Variants in CLVS2 observed in about 807,000 individuals in gnomAD.
CLVS2 encodes clavesin-2.
In CLVS2, 19 loss-of-function variants were observed where a neutral mutation model predicts 29.0. That is an observed-to-expected ratio of 0.66 (90% confidence interval 0.46 to 0.96). The LOEUF (loss-of-function observed/expected upper bound fraction) is 0.96. Ranked by LOEUF, CLVS2 falls within the 40% of genes least tolerant of loss-of-function variation. The probability of loss-of-function intolerance (pLI) is 0.00; values close to 1 mark genes in which losing one functional copy is unlikely to be tolerated. For missense variants in CLVS2, 294 were observed against 404.1 expected, an observed-to-expected ratio of 0.73 and a Z score of 2.34; for synonymous variants, 161 against 151.3, an observed-to-expected ratio of 1.06 and a Z score of -0.47.
At chr6:123,055,186 C>T (rs1232711533) in intron 4 of CLVS2, among the ~76,000 whole-genome samples, 1 of 152,144 alleles carries the variant, frequency 6.6e-6, no homozygotes, top group Non-Finnish European at 1.5e-5. Context: ...ATACTGGCAA[C>T]ATTACAGAAC....
At chr6:123,033,547 C>T (rs917100692) in intron 3 of CLVS2, among the ~76,000 whole-genome samples, 7 of 151,928 alleles carry the variant, frequency 4.6e-5, no homozygotes, top group African/African-American at 1.7e-4. Flanking sequence ...AAAGCTCAAA[C>T]CTTAGGCAAA....
intron 3 of CLVS2, among the ~76,000 whole-genome samples, chr6:123,042,904 G>A (rs1775254371): frequency 6.6e-6 from 1 of 152,112 alleles, no homozygotes; most frequent in Non-Finnish European, 1.5e-5. Context: ...TCCAAATGCT[G>A]TTATACTATC....
chr6:123,022,043 T>C (rs1244745762), intron 3 of CLVS2, among the ~76,000 whole-genome samples: 1 of 152,086 alleles, frequency 6.6e-6, no homozygotes, highest in Non-Finnish European at 1.5e-5. Flanking sequence ...CTGAGGAAGC[T>C]TATCACCGTG....
At chr6:123,025,600 G>A (rs1774989894) in intron 3 of CLVS2, among the ~76,000 whole-genome samples, 1 of 152,158 alleles carries the variant, frequency 6.6e-6, no homozygotes, top group African/African-American at 2.4e-5. Flanking sequence ...TGCCAGGAAT[G>A]TTCGCTGCTG....
At chr6:123,018,837 T>A (rs548117065) in intron 3 of CLVS2, among the ~76,000 whole-genome samples, 1 of 152,186 alleles carries the variant, frequency 6.6e-6, no homozygotes, top group South Asian at 2.1e-4. Flanking sequence ...AACTACATTT[T>A]GAAAGTCTTC....
Position 123,009,298 on chromosome 6 carries a change from G to A in CLVS2, c.390-1687G>A, listed in dbSNP as rs989846122. ...TATCCAGGACCATATGGCTAATGAG[G>A]TGCTGGGCAGAGATTGCATCTTGAA... On this transcript the variant is annotated intron_variant, in intron 2 of 5. Coordinates refer to ENST00000275162, the MANE Select transcript of CLVS2 (RefSeq NM_001010852.4). 4.6e-5 allele frequency among the ~76,000 whole-genome samples: 7 copies of A among 152,026 alleles called. No individual in the cohort carries two copies. In the East Asian group the frequency reaches 1.4e-3, roughly 29 times the overall value.
chr6:123,040,916 G>A (rs1044444361), intron 3 of CLVS2, among the ~76,000 whole-genome samples: 8 of 152,020 alleles, frequency 5.3e-5, no homozygotes, highest in Non-Finnish European at 1.2e-4. Flanking sequence ...TAAAAATTTG[G>A]AAATGATAGT....
intron 3 of CLVS2, among the ~76,000 whole-genome samples, chr6:123,017,701 A>G (rs978978619): frequency 1.3e-5 from 2 of 152,112 alleles, no homozygotes. Flanking sequence ...GGTAAAAGCT[A>G]TATATAATAT....
At chr6:123,041,631 C>A (rs999226534) in intron 3 of CLVS2, among the ~76,000 whole-genome samples, 1 of 152,126 alleles carries the variant, frequency 6.6e-6, no homozygotes, top group African/African-American at 2.4e-5. Flanking sequence ...CCAATATTAA[C>A]ACATATAGAA....
rs1404771426 is a variant in CLVS2, at chr6:123,064,519, T to C, written c.*758T>C. 1 of 151,964 alleles carries C rather than the reference T, an allele frequency of 6.6e-6. No individual in the cohort carries two copies. The highest frequency in any genetic ancestry group is 1.5e-5 in the Non-Finnish European group (1 of 67,900). The allele number at this position is 151,964 out of a possible 1,614,324, so 9.4% of individuals were successfully genotyped here. On this transcript the variant is annotated 3_prime_UTR_variant, in exon 6 of 6. Transcript: ENST00000275162. ...TTCAAGACCCTATTATATTTCTTCC[T>C]AATGTACTCTAAGTACATTTCCCCT... is the stretch of plus-strand genomic sequence containing the variant.
chr6:123,037,695 G>A (rs560759330), intron 3 of CLVS2, among the ~76,000 whole-genome samples: 2 of 151,906 alleles, frequency 1.3e-5, no homozygotes, highest in African/African-American at 4.8e-5. Flanking sequence ...CTGGTATGTG[G>A]ATGTCTGTCT....
At position 123,061,726 on chromosome 6, in the gene CLVS2, C is replaced by T. The variant is rs1772781341; in HGVS notation, c.897-1948C>T. Among the ~76,000 whole-genome samples the T allele has an allele frequency of 3.3e-5, 5 of 152,272 alleles. No individual in the cohort carries two copies. The South Asian group carries it at 1.0e-3, about 32-fold the overall frequency. ...TTTTCAAAAACAGTCAGGAAACACACAGACTTAGAATGTGTATATGTGAGC... is the reference window on the plus strand; with the variant it reads ...TTTTCAAAAACAGTCAGGAAACACATAGACTTAGAATGTGTATATGTGAGC... On this transcript the variant is annotated intron_variant, in intron 5 of 5. Transcript: ENST00000275162.
chr6:123,063,384 A>G (rs1772806999), intron 5 of CLVS2, among the ~76,000 whole-genome samples: 1 of 152,146 alleles, frequency 6.6e-6, no homozygotes, highest in African/African-American at 2.4e-5. Flanking sequence ...CTCAAAGAAA[A>G]GAATCTTCCC....
intron 4 of CLVS2, among the ~76,000 whole-genome samples, chr6:123,054,898 C>T (rs1463237704): frequency 6.6e-6 from 1 of 150,898 alleles, no homozygotes; most frequent in Non-Finnish European, 1.5e-5. Context: ...TTTCAATAAA[C>T]AGAGTCATCT....
At chr6:123,009,809 A>T (rs1774723151) in intron 2 of CLVS2, among the ~76,000 whole-genome samples, 2 of 152,052 alleles carry the variant, frequency 1.3e-5, no homozygotes, top group South Asian at 4.1e-4. Flanking sequence ...CCCTTTTTAG[A>T]ATAATTATCT....
chr6:122,997,596 GC>G lies in CLVS2; in HGVS notation c.-181del. On this transcript the variant is annotated 5_prime_UTR_variant, in exon 2 of 6. The change abolishes the stop of an existing upstream ORF in the 5' untranslated region. Coordinates refer to ENST00000275162, the MANE Select transcript of CLVS2 (RefSeq NM_001010852.4). The stretch of plus-strand genomic sequence containing the variant: ...TACACCCCCCGGCCCCCCCAGCTTT[GC>G]TGGGGGAAAGCAGGAGCAACAGGGC... 1.2e-5 allele frequency: 6 copies of G among 512,664 alleles called. No individual in the cohort carries two copies. Among genetic ancestry groups the G allele is most frequent in the East Asian group, 3.7e-5 (1 of 27,322 alleles). The allele number at this position is 512,664 out of a possible 1,614,324, so 31.8% of individuals were successfully genotyped here.
intron 3 of CLVS2, among the ~76,000 whole-genome samples, chr6:123,020,669 G>T (rs1162817076): frequency 6.6e-6 from 1 of 151,994 alleles, no homozygotes. Context: ...TTACAAACTG[G>T]TTGGAGGTTT....
intron 4 of CLVS2, among the ~76,000 whole-genome samples, chr6:123,049,392 T>C (rs1219295080): frequency 6.6e-6 from 1 of 152,164 alleles, no homozygotes; most frequent in African/African-American, 2.4e-5. Flanking sequence ...CACATTATTT[T>C]TATTAAAATA....
At chr6:123,010,017 A>C (rs1262155211) in intron 2 of CLVS2, among the ~76,000 whole-genome samples, 1 of 152,070 alleles carries the variant, frequency 6.6e-6, no homozygotes, top group Non-Finnish European at 1.5e-5. Context: ...AAAACTTTGT[A>C]TTCCCAGCCA....
Sources: allele counts gnomAD v4.1 joint callset (sites outside exome capture counted in the v4.1 genomes callset), GRCh38; gene constraint gnomAD v4.1.1; transcripts MANE v1.5; gene names NCBI Gene and HGNC (gene_info 2026-07-23, HGNC 2026-07-21).